Variants in RSRP1 observed in about 807,000 individuals in gnomAD.
RSRP1 encodes arginine and serine rich protein 1, also known as arginine/serine-rich protein 1.
Under a neutral mutation model 33.0 loss-of-function variants are expected in RSRP1, and 37 were observed. That is an observed-to-expected ratio of 1.12 (90% CI 0.86 to 1.48). RSRP1 has a LOEUF of 1.48. Ranked by LOEUF, RSRP1 falls within the 40% of genes most tolerant of loss-of-function variation. The pLI, the probability that RSRP1 is intolerant of heterozygous loss-of-function variation, is 0.00. For missense variants in RSRP1, 402 were observed against 385.3 expected, an observed-to-expected ratio of 1.04 and a Z score of -0.36; for synonymous variants, 167 against 158.7, an observed-to-expected ratio of 1.05 and a Z score of -0.40.
At chr1:25,251,745 G>C (rs1639787984), upstream of RSRP1, among the ~76,000 whole-genome samples, 1 of 152,088 alleles carries the variant, frequency 6.6e-6, no homozygotes, top group Admixed American at 6.6e-5. Context: ...ATGTATACAA[G>C]CTAACGATCA....
At chr1:25,255,232 T>C (rs942681017) in intron 1 of RSRP1, among the ~76,000 whole-genome samples, 1 of 152,222 alleles carries the variant, frequency 6.6e-6, no homozygotes, top group Non-Finnish European at 1.5e-5. Context: ...TTACTGATGC[T>C]ATAAGAGGCT....
chr1:25,337,902 C>G (rs1357179182), intron 1 of RSRP1: 18 of 149,370 alleles, frequency 1.2e-4, no homozygotes, highest in Admixed American at 2.7e-4. Flanking sequence ...CTGCGGGGGG[C>G]GGGAACAGGC....
chr1:25,323,494 C>T lies in RSRP1; in HGVS notation c.-67+14484G>A, dbSNP rs565840848. Among the ~76,000 whole-genome samples, 43 of 125,244 alleles carry T rather than the reference C, an allele frequency of 3.4e-4. 10 individuals carry two copies. The highest frequency in any genetic ancestry group is 7.1e-4 in the Non-Finnish European group (38 of 53,706). The allele number at this position is 125,244 out of a possible 152,430, so 82.2% of individuals were successfully genotyped here. On this transcript the variant is annotated intron_variant, in intron 1 of 1. Transcript: ENST00000561867. ...TTTTGTTTGAGACAGGGTCTCACTC[C>T]GCCACCCACACCGTAATGCAGTGGC...
intron 1 of RSRP1, among the ~76,000 whole-genome samples, chr1:25,272,070 A>G (rs949717132): frequency 7.9e-6 from 1 of 126,954 alleles, no homozygotes; most frequent in African/African-American, 2.6e-5. Flanking sequence ...CATTCAATAC[A>G]TTGTTGTTAA....
chr1:25,260,420 T>C (rs1052445436), intron 1 of RSRP1, among the ~76,000 whole-genome samples: 1 of 152,080 alleles, frequency 6.6e-6, no homozygotes, highest in Non-Finnish European at 1.5e-5. Context: ...CAAACTCACA[T>C]AATTTTACAG....
At chr1:25,287,373 G>A (rs1249269054) in intron 1 of RSRP1, among the ~76,000 whole-genome samples, 1 of 135,438 alleles carries the variant, frequency 7.4e-6, no homozygotes, top group South Asian at 2.2e-4. Context: ...CGAGAAGGGA[G>A]AGAAGTCACT....
Position 25,247,117 on chromosome 1 carries a change from G to A in RSRP1, c.-66-88C>T, listed in dbSNP as rs986717304. The A allele has an allele frequency of 2.0e-5, 17 of 840,486 alleles. No homozygotes were observed. In the Admixed American group the frequency reaches 5.9e-4, roughly 29 times the overall value. 52.1% of individuals were successfully genotyped at this position (840,486 alleles called of 1,614,324 possible). On this transcript the variant is annotated intron_variant, in intron 1 of 4. Coordinates refer to ENST00000243189, the MANE Select transcript of RSRP1 (RefSeq NM_020317.5). ...GCCACAGTCGGGGAACCTCCGGGAG[G>A]CGGAGCCACGGCGCGGGCGGCGACC...
chr1:25,248,490 T>G (rs1639655855), upstream of RSRP1, among the ~76,000 whole-genome samples: 1 of 152,112 alleles, frequency 6.6e-6, no homozygotes, highest in South Asian at 2.1e-4. Context: ...TTTGCACTTT[T>G]TTACCCACGG....
upstream of RSRP1, chr1:25,248,037 CAGAG>C (rs1161232325): frequency 7.9e-5 from 12 of 152,606 alleles, no homozygotes; most frequent in African/African-American, 2.9e-4. Context: ...CCCGCCATGA[CAGAG>C]AGGGGACCTC....
intron 1 of RSRP1, among the ~76,000 whole-genome samples, chr1:25,264,445 C>T (rs1640259629): frequency 2.0e-5 from 3 of 149,776 alleles, no homozygotes; most frequent in Non-Finnish European, 4.5e-5. Flanking sequence ...GCTTGCACTC[C>T]CCGAAGCTAC....
intron 1 of RSRP1, among the ~76,000 whole-genome samples, chr1:25,252,620 G>A (rs1639824812): frequency 6.7e-6 from 1 of 148,402 alleles, no homozygotes; most frequent in Non-Finnish European, 1.5e-5. Flanking sequence ...TGCAACCTCC[G>A]CCTCCTGGGT....
rs1639054575 is a variant in RSRP1 at position 25,243,430 on chromosome 1, A to C, written c.756+120T>G. Reference sequence around the variant, plus strand: ...AAGTGGCTCAAAAACAAATGATTTTAATTCTATTTAAAAAGTGTGTCAGTA... The same window carrying C: ...AAGTGGCTCAAAAACAAATGATTTTCATTCTATTTAAAAAGTGTGTCAGTA... On this transcript the variant is annotated intron_variant, in intron 4 of 4. Coordinates refer to ENST00000243189, the MANE Select transcript of RSRP1 (RefSeq NM_020317.5). The C allele has an allele frequency of 4.8e-6, 6 of 1,254,346 alleles. No homozygotes were observed. The South Asian group carries it at 9.4e-5, about 20-fold the overall frequency. 77.7% of individuals were successfully genotyped at this position (1,254,346 alleles called of 1,614,324 possible).
rs779080272 is a variant in RSRP1, at chr1:25,246,885, A to G, written c.79T>C (p.Ser27Pro). 1 of 1,606,306 alleles carries G rather than the reference A, an allele frequency of 6.2e-7. No homozygotes were observed. The highest frequency in any genetic ancestry group is 1.3e-5 in the African/African-American group (1 of 74,796). ...CTAGACCGCGACGACAGCCGGCTGGACCCGCCCGACCGCGAGGTCGAGGGC... is the reference window on the plus strand; with the variant it reads ...CTAGACCGCGACGACAGCCGGCTGGGCCCGCCCGACCGCGAGGTCGAGGGC... ...DSPSTSRSGG[S>P]SRLSSRSRSR... The change falls in exon 2 of 5, where the codon TCC becomes CCC. Residue 27 changes from serine (S) to proline (P), a missense_variant. Transcript: ENST00000243189.
At chr1:25,264,018 G>C (rs1168171580) in intron 1 of RSRP1, among the ~76,000 whole-genome samples, 1 of 152,118 alleles carries the variant, frequency 6.6e-6, no homozygotes, top group Non-Finnish European at 1.5e-5. Flanking sequence ...AGGTCACGCA[G>C]ATGGAAGGGG....
At position 25,303,247 on chromosome 1, in the gene RSRP1, C is replaced by A. The variant is rs1352669170; in HGVS notation, c.-67+34731G>T. ...TGTTACAGGGTTGCCTTGTTCCCAG[C>A]GTGCTGGTCACTTGCAGCAAGATGG... On this transcript the variant is annotated intron_variant, in intron 1 of 1. Transcript: ENST00000561867. 6 of 1,041,256 alleles carry A rather than the reference C, an allele frequency of 5.8e-6. No individual in the cohort carries two copies. In the Admixed American group the frequency reaches 1.2e-4, roughly 20 times the overall value. The allele number at this position is 1,041,256 out of a possible 1,614,324, so 64.5% of individuals were successfully genotyped here.
At chr1:25,252,948 C>T (rs1268629468) in intron 1 of RSRP1, among the ~76,000 whole-genome samples, 1 of 152,192 alleles carries the variant, frequency 6.6e-6, no homozygotes, top group Non-Finnish European at 1.5e-5. Context: ...TTTATTGCCT[C>T]GAGGCAGATG....
At chr1:25,254,801 A>C (rs969331258) in intron 1 of RSRP1, among the ~76,000 whole-genome samples, 4 of 152,212 alleles carry the variant, frequency 2.6e-5, no homozygotes, top group Non-Finnish European at 4.4e-5. Context: ...GCAAAAGGAC[A>C]ACACACAAAT....
At chr1:25,298,864 A>T (rs1315027464) in intron 1 of RSRP1, among the ~76,000 whole-genome samples, 1 of 129,336 alleles carries the variant, frequency 7.7e-6, no homozygotes, top group East Asian at 2.0e-4. Context: ...GAGAAAAGAA[A>T]CACGAAAAGT....
intron 1 of RSRP1, 134 bp downstream of exon 1, chr1:25,247,175 C>G (rs1639527687): frequency 2.0e-6 from 1 of 511,036 alleles, no homozygotes; most frequent in Non-Finnish European, 3.4e-6. Flanking sequence ...AGAAACCCCG[C>G]TCGGCGCCCT....
Sources: allele counts gnomAD v4.1 joint callset (sites outside exome capture counted in the v4.1 genomes callset), GRCh38; gene constraint gnomAD v4.1.1; transcripts MANE v1.5; gene names NCBI Gene and HGNC (gene_info 2026-07-23, HGNC 2026-07-21).